Variants in NRXN3 observed in about 807,000 individuals in gnomAD.
NRXN3 encodes neurexin 3, also known as neurexin III.
In NRXN3, 32 loss-of-function variants were observed where a neutral mutation model predicts 137.6. The observed-to-expected ratio is 0.23, with a 90% confidence interval of 0.18 to 0.31. The LOEUF is 0.31. Among genes scored for constraint, NRXN3 ranks in the 10% least tolerant of loss-of-function variants. The probability of loss-of-function intolerance (pLI) is 1.00; values close to 1 mark genes in which losing one functional copy is unlikely to be tolerated. For missense variants in NRXN3, 1,574 were observed against 2,062.5 expected (o/e 0.76, Z 4.59); for synonymous variants, 798 against 784.5 (o/e 1.02, Z -0.29).
chr14:79,718,902 C>T (rs1256039080), intron 19 of NRXN3, among the ~76,000 whole-genome samples: 1 of 152,032 alleles, frequency 6.6e-6, no homozygotes, highest in Non-Finnish European at 1.5e-5. Context: ...CTGCCTTCAA[C>T]CTGGTCTTAG....
chr14:78,813,369 C>T (rs911036187), intron 10 of NRXN3, among the ~76,000 whole-genome samples: 23 of 152,058 alleles, frequency 1.5e-4, no homozygotes, highest in African/African-American at 5.3e-4. Context: ...ATAGGTGTGC[C>T]GGTCCTTACT....
At chr14:78,229,669 G>A (rs1359531127) in intron 1 of NRXN3, among the ~76,000 whole-genome samples, 3 of 152,164 alleles carry the variant, frequency 2.0e-5, no homozygotes, top group Non-Finnish European at 2.9e-5. Flanking sequence ...GTCTATGATC[G>A]ACTCTGTGCC....
intron 15 of NRXN3, among the ~76,000 whole-genome samples, chr14:79,146,520 C>T (rs1328082556): frequency 6.6e-6 from 1 of 152,056 alleles, no homozygotes; most frequent in Non-Finnish European, 1.5e-5. Flanking sequence ...GAACTTCACT[C>T]TCCTGGAGTG....
chr14:79,119,781 T>C (rs897129040), intron 15 of NRXN3, among the ~76,000 whole-genome samples: 4 of 152,276 alleles, frequency 2.6e-5, no homozygotes, highest in African/African-American at 9.6e-5. Flanking sequence ...GTTTGATGTA[T>C]TTCCTGTTAT....
rs1478052064 is a variant in NRXN3 at position 79,393,894 on chromosome 14, C to G, written c.3263-73327C>G. On this transcript the variant is annotated intron_variant, in intron 15 of 20. Transcript: ENST00000335750. ...TCAGCAAACAAAGTTGACCTAGATACAAGAGTATTATTGGAATTTGTTAGT... is the reference window on the plus strand; with the variant it reads ...TCAGCAAACAAAGTTGACCTAGATAGAAGAGTATTATTGGAATTTGTTAGT... Among the ~76,000 whole-genome samples, 5 of 152,092 alleles carry G rather than the reference C, an allele frequency of 3.3e-5. No individual in the cohort carries two copies. The South Asian group carries it at 8.3e-4, about 25-fold the overall frequency.
At chr14:78,782,183 T>A (rs1186404177) in intron 8 of NRXN3, among the ~76,000 whole-genome samples, 1 of 152,190 alleles carries the variant, frequency 6.6e-6, no homozygotes, top group Non-Finnish European at 1.5e-5. Context: ...TTTTCTCCAT[T>A]TTCAAATATT....
chr14:79,812,883 T>C (rs2099239159), intron 20 of NRXN3, among the ~76,000 whole-genome samples: 1 of 152,040 alleles, frequency 6.6e-6, no homozygotes, highest in Non-Finnish European at 1.5e-5. Context: ...ATTAAGCAAG[T>C]CCCCCAAAAA....
chr14:78,950,633 A>AAAAGAAGG (rs1405705303), intron 10 of NRXN3, among the ~76,000 whole-genome samples: 70 of 152,046 alleles, frequency 4.6e-4, no homozygotes, highest in Non-Finnish European at 8.4e-4. Context: ...GAAGGAAGAA[A>AAAAGAAGG]AAAGAAGGAA....
intron 19 of NRXN3, among the ~76,000 whole-genome samples, chr14:79,751,319 T>C (rs1215055930): frequency 3.3e-5 from 5 of 152,184 alleles, no homozygotes; most frequent in African/African-American, 1.2e-4. Context: ...AAGTATTTTA[T>C]TCTCTTTGAA....
chr14:78,559,169 C>T (rs536902122), intron 4 of NRXN3, among the ~76,000 whole-genome samples: 6 of 152,278 alleles, frequency 3.9e-5, no homozygotes, highest in Non-Finnish European at 8.8e-5. Flanking sequence ...CCTAGAGATA[C>T]CCATTACAAT....
At position 78,563,542 on chromosome 14, in the gene NRXN3, G is replaced by A. The variant is rs116849829; in HGVS notation, c.758-81578G>A. Reference sequence around the variant, plus strand: ...ACTGTGTCCAGTTATCAATGGGCAGGGCTTGCTGGGCGTTAAGCACAGGTA... The same window carrying A: ...ACTGTGTCCAGTTATCAATGGGCAGAGCTTGCTGGGCGTTAAGCACAGGTA... On this transcript the variant is annotated intron_variant, in intron 4 of 20. Coordinates refer to ENST00000335750, the MANE Select transcript of NRXN3 (RefSeq NM_001330195.2). 1.4e-4 allele frequency among the ~76,000 whole-genome samples: 22 copies of A among 152,258 alleles called. No individual in the cohort carries two copies. The East Asian group carries it at 4.1e-3, about 28-fold the overall frequency.
intron 15 of NRXN3, among the ~76,000 whole-genome samples, chr14:79,224,538 G>A (rs972923723): frequency 3.9e-5 from 6 of 152,132 alleles, no homozygotes; most frequent in African/African-American, 1.4e-4. Context: ...ACTTACCTTA[G>A]CTTAAAGAGA....
At chr14:78,771,278 C>A (rs969653075) in intron 8 of NRXN3, among the ~76,000 whole-genome samples, 1 of 152,110 alleles carries the variant, frequency 6.6e-6, no homozygotes, top group Non-Finnish European at 1.5e-5. Context: ...GGATCGATGT[C>A]TAAGCTCTTC....
chr14:78,913,242 TTTCTTTTC>T (rs2099244513), intron 10 of NRXN3, among the ~76,000 whole-genome samples: 1 of 148,188 alleles, frequency 6.7e-6, no homozygotes, highest in African/African-American at 2.5e-5. Context: ...TTTCTTTTCC[TTTCTTTTC>T]TTTCTTTCTT....
chr14:79,228,703 T>C (rs2071545383), intron 15 of NRXN3, among the ~76,000 whole-genome samples: 1 of 152,206 alleles, frequency 6.6e-6, no homozygotes, highest in Non-Finnish European at 1.5e-5. Context: ...GCTGACTGAT[T>C]TGCAACTGGT....
chr14:79,154,609 G>T (rs1596545095), intron 15 of NRXN3, among the ~76,000 whole-genome samples: 1 of 151,634 alleles, frequency 6.6e-6, no homozygotes, highest in Admixed American at 6.6e-5. Flanking sequence ...TATGTGGCTT[G>T]GCCTTTCTGG....
intron 16 of NRXN3, among the ~76,000 whole-genome samples, chr14:79,574,652 A>C (rs1299616685): frequency 6.6e-6 from 1 of 152,062 alleles, no homozygotes; most frequent in East Asian, 1.9e-4. Context: ...GGCTTTACCC[A>C]GGGTGAGTGG....
At chr14:79,553,248 T>G (rs2097393950) in intron 16 of NRXN3, among the ~76,000 whole-genome samples, 1 of 151,822 alleles carries the variant, frequency 6.6e-6, no homozygotes, top group African/African-American at 2.4e-5. Context: ...TTGACCTACA[T>G]GAGCTGATCA....
At chr14:79,003,082 G>A (rs915478367) in intron 15 of NRXN3, among the ~76,000 whole-genome samples, 1 of 152,042 alleles carries the variant, frequency 6.6e-6, no homozygotes. Flanking sequence ...GGGCTCAAGC[G>A]ATCCTTCTGC....
Sources: allele counts gnomAD v4.1 joint callset (sites outside exome capture counted in the v4.1 genomes callset), GRCh38; gene constraint gnomAD v4.1.1; transcripts MANE v1.5; gene names NCBI Gene and HGNC (gene_info 2026-07-23, HGNC 2026-07-21).